GLE1: variants seen among roughly 807,000 people sequenced by gnomAD.
GLE1 encodes the protein GLE1 RNA export mediator, also known as mRNA export factor GLE1.
In GLE1, 78 loss-of-function variants were observed where a neutral mutation model predicts 97.3. The observed-to-expected ratio is 0.80, with a 90% CI of 0.67 to 0.97. GLE1 has a LOEUF of 0.97. Ranked by LOEUF, GLE1 falls within the 50% of genes least tolerant of loss-of-function variation. GLE1 has a pLI of 0.00. For missense variants in GLE1, 753 were observed against 857.5 expected (o/e 0.88, Z 1.52); for synonymous variants, 302 against 313.4 (o/e 0.96, Z 0.39).
Position 128,534,030 on chromosome 9 carries a change from T to G in GLE1, c.1646+79T>G. The G allele has an allele frequency of 6.6e-6, 6 of 909,014 alleles. 1 individual carries two copies. The African/African-American group carries it at 8.1e-5, about 12-fold the overall frequency. 56.3% of individuals were successfully genotyped at this position (909,014 alleles called of 1,614,324 possible). A position where few individuals can be genotyped will look rare whatever the true frequency, so the allele number is the denominator to read the frequency against. On this transcript the variant is annotated intron_variant, in intron 11 of 15. Coordinates refer to ENST00000309971, the MANE Select transcript of GLE1 (RefSeq NM_001003722.2). ...AATAGAATTGGAATTTGTTTTTCCC[T>G]CCTCACAGCTCCTATTACGTACCTT...
At chr9:128,528,888 G>A (rs2132481185) in intron 9 of GLE1, 1 of 152,376 alleles carries the variant, frequency 6.6e-6, no homozygotes, top group South Asian at 2.1e-4. Context: ...AGCTGTAGAT[G>A]TGGAAGCCTC....
intron 2 of GLE1, among the ~76,000 whole-genome samples, chr9:128,510,221 C>T (rs1413497340): frequency 2.0e-5 from 3 of 151,396 alleles, no homozygotes; most frequent in African/African-American, 7.3e-5. Flanking sequence ...CCATACTTGG[C>T]TATTTTCTTT....
intron 2 of GLE1, among the ~76,000 whole-genome samples, chr9:128,514,877 C>T (rs548659503): frequency 1.4e-4 from 22 of 151,820 alleles, no homozygotes; most frequent in African/African-American, 4.1e-4. Flanking sequence ...AGTGCAGTGG[C>T]GCGATCTCAG....
At chr9:128,517,916 C>A (rs1847033146) in intron 3 of GLE1, among the ~76,000 whole-genome samples, 1 of 151,946 alleles carries the variant, frequency 6.6e-6, no homozygotes, top group African/African-American at 2.4e-5. Context: ...CTTCTGGATT[C>A]ATTATTTTTT....
Position 128,538,111 on chromosome 9 carries a change from A to G in GLE1, c.1881+21A>G, listed in dbSNP as rs749183556. Reference sequence around the variant, plus strand: ...TGGAGGTACGTAACTCAGTTATCACACAAGAGAAGGCCAGTGGTTGAGGTA... The same window carrying G: ...TGGAGGTACGTAACTCAGTTATCACGCAAGAGAAGGCCAGTGGTTGAGGTA... On this transcript the variant is annotated intron_variant, in intron 13 of 15. Coordinates refer to ENST00000309971, the MANE Select transcript of GLE1 (RefSeq NM_001003722.2). The G allele has an allele frequency of 9.2e-6, 12 of 1,302,030 alleles. No individual in the cohort carries two copies. The African/African-American group carries it at 1.6e-4, about 17-fold the overall frequency. 80.7% of individuals were successfully genotyped at this position (1,302,030 alleles called of 1,614,324 possible).
At position 128,522,813 on chromosome 9, in the gene GLE1, A is replaced by C; in HGVS notation, c.578A>C (p.Lys193Thr). 1.2e-6 allele frequency: 2 copies of C among 1,613,788 alleles called. No homozygotes were observed. Among genetic ancestry groups the C allele is most frequent in the Non-Finnish European group, 1.7e-6 (2 of 1,179,692 alleles). The change falls in exon 4 of 16, where the codon AAG becomes ACG. Residue 193 changes from lysine to threonine, a missense_variant. Physicochemically the swap from Lys to Thr is moderately conservative, Grantham distance 78. Coordinates refer to ENST00000309971, the MANE Select transcript of GLE1 (RefSeq NM_001003722.2). The part of the protein sequence containing the change: ...EFQDLREVME[K>T]SSREALGHQE... Reference sequence around the variant, plus strand: ...CAGGACTTGCGGGAAGTAATGGAGAAGAGGTGAGTCTCCCTGAATTATGAC... The same window carrying C: ...CAGGACTTGCGGGAAGTAATGGAGACGAGGTGAGTCTCCCTGAATTATGAC...
chr9:128,519,250 A>G (rs1847070515), intron 3 of GLE1, among the ~76,000 whole-genome samples: 1 of 152,228 alleles, frequency 6.6e-6, no homozygotes, highest in African/African-American at 2.4e-5. Flanking sequence ...AAAGAACAGG[A>G]TAACAGCAAT....
At chr9:128,507,758 G>A (rs1014517591) in intron 1 of GLE1, among the ~76,000 whole-genome samples, 5 of 151,414 alleles carry the variant, frequency 3.3e-5, no homozygotes, top group Non-Finnish European at 5.9e-5. Context: ...TGTGGTGGTC[G>A]ACACCTGTAA....
intron 3 of GLE1, among the ~76,000 whole-genome samples, chr9:128,518,800 G>A (rs545720410): frequency 1.9e-4 from 29 of 151,430 alleles, no homozygotes; most frequent in African/African-American, 6.1e-4. Context: ...CCCAGGAGGC[G>A]GAGTTTGCAG....
chr9:128,526,731 A>G (rs563367242), intron 7 of GLE1, among the ~76,000 whole-genome samples: 1 of 151,730 alleles, frequency 6.6e-6, no homozygotes, highest in South Asian at 2.1e-4. Flanking sequence ...GTACAGTGGT[A>G]TGATTATGGC....
chr9:128,505,417 C>T (rs983389537), intron 1 of GLE1, among the ~76,000 whole-genome samples: 2 of 152,180 alleles, frequency 1.3e-5, no homozygotes, highest in Admixed American at 6.5e-5. Flanking sequence ...AGGCCGAGCT[C>T]CCATTCCCGA....
At chr9:128,506,962 ACTC>A (rs1309026873) in intron 1 of GLE1, among the ~76,000 whole-genome samples, 2 of 151,780 alleles carry the variant, frequency 1.3e-5, no homozygotes, top group African/African-American at 4.8e-5. Context: ...TCTCTGAACT[ACTC>A]TAGTTTTTTC....
intron 11 of GLE1, among the ~76,000 whole-genome samples, chr9:128,535,470 C>T (rs567883968): frequency 1.4e-5 from 2 of 140,038 alleles, no homozygotes; most frequent in African/African-American, 2.7e-5. Flanking sequence ...TGCACTGAGC[C>T]GAGATCATGC....
At chr9:128,528,405 G>A (rs1044846097) in intron 9 of GLE1, among the ~76,000 whole-genome samples, 41 of 150,144 alleles carry the variant, frequency 2.7e-4, no homozygotes, top group Middle Eastern at 3.5e-3. Context: ...CCGGGTTCAC[G>A]CCATTCTCCT....
chr9:128,538,267 A>G (rs77289810), intron 13 of GLE1, among the ~76,000 whole-genome samples, 177 bp downstream of exon 13: 5,748 of 152,328 alleles, frequency 0.038, 204 homozygotes, highest in East Asian at 0.15. Context: ...CTTTTACTCC[A>G]TACTATATTT....
At chr9:128,516,632 T>C (rs1376348717) in intron 3 of GLE1, among the ~76,000 whole-genome samples, 2 of 150,290 alleles carry the variant, frequency 1.3e-5, no homozygotes, top group African/African-American at 4.9e-5. Context: ...TTTTTGTTTT[T>C]GTTTTTTTGA....
chr9:128,520,406 A>T (rs1285793238), intron 3 of GLE1, among the ~76,000 whole-genome samples: 3 of 148,000 alleles, frequency 2.0e-5, no homozygotes, highest in Non-Finnish European at 3.0e-5. Flanking sequence ...ATGTGTGTAT[A>T]TATGTATATA....
At chr9:128,507,379 C>T (rs776352340) in intron 1 of GLE1, among the ~76,000 whole-genome samples, 1 of 151,918 alleles carries the variant, frequency 6.6e-6, no homozygotes, top group Non-Finnish European at 1.5e-5. Context: ...CCCAGAAGTT[C>T]GACACCAGCC....
Position 128,508,948 on chromosome 9 carries a change from C to T in GLE1, c.172C>T (p.Pro58Ser), listed in dbSNP as rs748023893. Residue 58 changes from proline (P) to serine (S), a missense_variant, in exon 2 of 16, where the codon CCC becomes TCC. Physicochemically the swap from Pro to Ser is moderately conservative, Grantham distance 74. Coordinates refer to ENST00000309971, the MANE Select transcript of GLE1 (RefSeq NM_001003722.2). ...TGGATGGGTGGTAGAGCACGTCCTA[C>T]CCCATATGCAGGAGAACCAACCTCT... ...YSGWVVEHVL[P>S]HMQENQPLSE... 3.1e-6 allele frequency: 5 copies of T among 1,611,402 alleles called. No individual in the cohort carries two copies. Among genetic ancestry groups the T allele is most frequent in the South Asian group, 1.1e-5 (1 of 91,012 alleles).
Sources: gnomAD v4.1 joint callset for allele counts (sites outside exome capture counted in the v4.1 genomes callset) on GRCh38, gnomAD v4.1.1 for gene constraint, MANE v1.5 for transcripts, NCBI Gene and HGNC (gene_info 2026-07-23, HGNC 2026-07-21) for gene names.